Variants in CPA5 observed in about 807,000 individuals in gnomAD.
CPA5 encodes the protein testicular tissue protein Li 32.
In CPA5, 38 loss-of-function variants were observed where a neutral mutation model predicts 52.2. That is an observed-to-expected ratio of 0.73 (90% CI 0.56 to 0.95). CPA5 has a LOEUF of 0.95. Among genes scored for constraint, CPA5 ranks in the 40% least tolerant of loss-of-function variants. The pLI is 0.00. For synonymous variants in CPA5, 198 were observed against 213.7 expected (o/e 0.93, Z 0.64); for missense variants, 519 against 566.7 (o/e 0.92, Z 0.86).
At chr7:130,367,339 T>G (rs782692740) in intron 10 of CPA5, 33 bp from the exon 11 acceptor site, 49 of 1,604,410 alleles carry the variant, frequency 3.1e-5, no homozygotes, top group Non-Finnish European at 4.2e-5. Flanking sequence ...ACGTGGGGAT[T>G]TGACTCTTTG....
At chr7:130,355,245 C>A (rs890447653) in intron 5 of CPA5, among the ~76,000 whole-genome samples, 3 of 152,200 alleles carry the variant, frequency 2.0e-5, no homozygotes, top group Non-Finnish European at 1.5e-5. Flanking sequence ...TCACAGAGCC[C>A]TGGAGTCACC....
chr7:130,371,119 T>C (rs532862750), downstream of CPA5, among the ~76,000 whole-genome samples: 137 of 152,270 alleles, frequency 9.0e-4, no homozygotes, highest in African/African-American at 3.1e-3. Flanking sequence ...CTCTAGTGGG[T>C]GGGGCCTAGG....
At chr7:130,362,779 G>T in intron 8 of CPA5, 105 bp from the exon 9 acceptor site, 1 of 715,566 alleles carries the variant, frequency 1.4e-6, no homozygotes, top group Non-Finnish European at 2.4e-6. Context: ...ATACCTCAGG[G>T]GTTTCATGCC....
downstream of CPA5, among the ~76,000 whole-genome samples, chr7:130,369,549 G>A (rs1426134154): frequency 6.6e-6 from 1 of 152,200 alleles, no homozygotes; most frequent in Non-Finnish European, 1.5e-5. Flanking sequence ...GCCAAATGAG[G>A]TTGTGTAAGT....
rs146682827 is a variant in CPA5 at position 130,363,657 on chromosome 7, G to A, written c.838+148G>A. 5.9e-3 allele frequency: 4,059 copies of A among 687,966 alleles called. 24 individuals carry two copies. The highest frequency in any genetic ancestry group is 7.4e-3 in the Non-Finnish European group (2,838 of 384,586). 42.6% of individuals were successfully genotyped at this position (687,966 alleles called of 1,614,324 possible). ...TATGCATGAGTCACGGCCAGGGACA[G>A]GCAAGCACATACCTCAGACTGGCTG... On this transcript the variant is annotated intron_variant, in intron 10 of 12. Transcript: ENST00000474905.
chr7:130,357,880 C>T (rs904504206), intron 5 of CPA5, among the ~76,000 whole-genome samples: 41 of 151,890 alleles, frequency 2.7e-4, no homozygotes, highest in African/African-American at 9.2e-4. Context: ...CACTTGCATG[C>T]TCTTTCTGTC....
chr7:130,359,869 C>G (rs1795697083), intron 6 of CPA5, among the ~76,000 whole-genome samples, 182 bp downstream of exon 6: 2 of 152,174 alleles, frequency 1.3e-5, no homozygotes, highest in Non-Finnish European at 2.9e-5. Context: ...TCAAAGAGAT[C>G]TGGAAGCCAG....
intron 12 of CPA5, 82 bp downstream of exon 12, chr7:130,368,072 T>A (rs2241273): frequency 3.0e-6 from 4 of 1,338,648 alleles, no homozygotes; most frequent in Non-Finnish European, 4.3e-6. Context: ...GATCTAGCTG[T>A]GCTGGCCCAA....
intron 5 of CPA5, among the ~76,000 whole-genome samples, chr7:130,352,497 G>A (rs1170503753): frequency 2.6e-5 from 4 of 151,976 alleles, no homozygotes; most frequent in Non-Finnish European, 5.9e-5. Flanking sequence ...GTGCGCTGAA[G>A]AGCAGGTGAG....
downstream of CPA5, among the ~76,000 whole-genome samples, chr7:130,372,218 A>G (rs936083143): frequency 6.6e-6 from 1 of 152,158 alleles, no homozygotes; most frequent in African/African-American, 2.4e-5. Context: ...CACCCCCATC[A>G]TGTGCGAGCT....
At chr7:130,351,951 C>T (rs1795173178) in intron 5 of CPA5, among the ~76,000 whole-genome samples, 1 of 152,000 alleles carries the variant, frequency 6.6e-6, no homozygotes, top group South Asian at 2.1e-4. Context: ...TCCTCTGGCC[C>T]CCTCCCCTCA....
rs782664774 is a variant in CPA5, at chr7:130,349,958, T to C, written c.199-17T>C. ...ACATGGAGTAATGCAGCTCTCTCTC[T>C]TTCCTTGGTGAACAAGGTGGACTTC... is the stretch of plus-strand genomic sequence containing the variant. On this transcript the variant is annotated splice_polypyrimidine_tract_variant and intron_variant, in intron 4 of 12. Transcript: ENST00000474905. 4 of 1,609,328 alleles carry C rather than the reference T, an allele frequency of 2.5e-6. No individual in the cohort carries two copies. The Admixed American group carries it at 5.1e-5, about 20-fold the overall frequency.
At chr7:130,350,423 T>A (rs1246128701) in intron 5 of CPA5, among the ~76,000 whole-genome samples, 1 of 152,034 alleles carries the variant, frequency 6.6e-6, no homozygotes, top group South Asian at 2.1e-4. Context: ...GTAGCTGGGG[T>A]CTTCCCCAGG....
chr7:130,348,186 C>T (rs1009973548), intron 4 of CPA5, among the ~76,000 whole-genome samples: 5 of 152,258 alleles, frequency 3.3e-5, no homozygotes, highest in Admixed American at 6.5e-5. Flanking sequence ...TGGGATGCCA[C>T]GTAGCATGGA....
rs782256415 is a variant in CPA5 at position 130,367,454 on chromosome 7, G to C, written c.921G>C (p.Val307=). ...CGGAGCCGGAGGTGGCTGCCATAGT[G>C]AACTTCATCACAGCCCATGGCAACT... is the stretch of plus-strand genomic sequence containing the variant. ...PQSEPEVAAI[V]NFITAHGNFK... is the part of the protein sequence containing the mutation. The change falls in exon 11 of 13, where the codon GTG becomes GTC. Residue 307 remains valine, a synonymous_variant. Transcript: ENST00000474905. The C allele has an allele frequency of 6.2e-7, 1 of 1,614,110 alleles. No individual in the cohort carries two copies.
intron 5 of CPA5, among the ~76,000 whole-genome samples, chr7:130,353,130 C>G (rs1164236065): frequency 6.6e-6 from 1 of 151,928 alleles, no homozygotes; most frequent in Non-Finnish European, 1.5e-5. Context: ...TTAAAAAAAC[C>G]CTCTCTTGAT....
intron 5 of CPA5, among the ~76,000 whole-genome samples, chr7:130,354,833 G>A (rs1795380584): frequency 6.6e-6 from 1 of 151,722 alleles, no homozygotes; most frequent in South Asian, 2.1e-4. Flanking sequence ...GGGCTCAAGA[G>A]ATCCTCCTGC....
downstream of CPA5, among the ~76,000 whole-genome samples, chr7:130,372,827 G>T (rs1554410070): frequency 6.6e-6 from 1 of 152,224 alleles, no homozygotes; most frequent in Non-Finnish European, 1.5e-5. Context: ...TCTCTGAGGG[G>T]CAGGGAGGAT....
At chr7:130,349,761 T>A (rs1558916) in intron 4 of CPA5, among the ~76,000 whole-genome samples, 148,769 of 152,146 alleles carry the variant, frequency 0.98, 72,827 homozygotes, top group Non-Finnish European at 1. Flanking sequence ...CCAAATCTGT[T>A]TGTATAGGAA....
Sources: allele counts gnomAD v4.1 joint callset (sites outside exome capture counted in the v4.1 genomes callset), GRCh38; gene constraint gnomAD v4.1.1; transcripts MANE v1.5; gene names NCBI Gene and HGNC (gene_info 2026-07-23, HGNC 2026-07-21).